Variants in ADGRL2 observed in about 807,000 individuals in gnomAD.
ADGRL2 encodes adhesion G protein-coupled receptor L2, also known as calcium-independent alpha-latrotoxin receptor 2.
A neutral mutation model predicts 157.4 loss-of-function variants in ADGRL2; 44 were observed. The observed-to-expected ratio is 0.28, with a 90% CI of 0.22 to 0.36. The LOEUF (loss-of-function observed/expected upper bound fraction) is 0.36, where lower values mean the gene tolerates loss of function less well. Ranked by LOEUF, ADGRL2 falls within the 10% of genes least tolerant of loss-of-function variation. The probability of loss-of-function intolerance (pLI) is 1.00; values close to 1 mark genes in which losing one functional copy is unlikely to be tolerated. For missense variants in ADGRL2, 1,510 were observed against 1,768.9 expected (o/e 0.85, Z 2.63); for synonymous variants, 585 against 624.7 (o/e 0.94, Z 0.95).
intron 2 of ADGRL2, among the ~76,000 whole-genome samples, chr1:81,885,462 G>T (rs1010033538): frequency 6.6e-6 from 1 of 152,138 alleles, no homozygotes; most frequent in African/African-American, 2.4e-5. Context: ...TTGGTTCCAC[G>T]TCTTATCCAG....
chr1:81,609,259 C>G (rs2081494016), intron 3 of ADGRL2, among the ~76,000 whole-genome samples: 1 of 152,002 alleles, frequency 6.6e-6, no homozygotes, highest in Non-Finnish European at 1.5e-5. Flanking sequence ...AGGCTGGTCT[C>G]GAACTCCTGG....
At chr1:81,318,438 T>A (rs1398937413) in intron 1 of ADGRL2, among the ~76,000 whole-genome samples, 1 of 152,200 alleles carries the variant, frequency 6.6e-6, no homozygotes, top group East Asian at 1.9e-4. Flanking sequence ...TTTAATTCCC[T>A]AAGCCTCATG....
At position 81,715,349 on chromosome 1, in the gene ADGRL2, G is replaced by A. The variant is rs146665735; in HGVS notation, c.-143+15541G>A. On this transcript the variant is annotated intron_variant, in intron 1 of 20. Coordinates refer to the ADGRL2 transcript ENST00000359929. ...TATATATTCTTGAGTAAAACAATAT[G>A]TACTAGCTTTGAACAAACATTTTAT... 2.9e-3 allele frequency among the ~76,000 whole-genome samples: 446 copies of A among 151,826 alleles called. 1 individual carries two copies. Among genetic ancestry groups the A allele is most frequent in the African/African-American group, 0.01 (425 of 41,384 alleles).
intron 1 of ADGRL2, among the ~76,000 whole-genome samples, chr1:81,325,017 G>A (rs931003084): frequency 2.1e-4 from 32 of 151,998 alleles, no homozygotes; most frequent in Admixed American, 3.9e-4. Flanking sequence ...AGGCCCAGCC[G>A]GAAACTTTAA....
chr1:81,931,466 A>G (rs2095229322), intron 3 of ADGRL2, among the ~76,000 whole-genome samples: 1 of 152,106 alleles, frequency 6.6e-6, no homozygotes, highest in Non-Finnish European at 1.5e-5. Flanking sequence ...TATAGGTGAT[A>G]CTTCGTGCGT....
intron 1 of ADGRL2, among the ~76,000 whole-genome samples, chr1:81,434,353 T>C (rs546682593): frequency 6.6e-6 from 1 of 152,346 alleles, no homozygotes; most frequent in Non-Finnish European, 1.5e-5. Context: ...TTCTATTTTA[T>C]GTTTCTTCAC....
At chr1:81,496,840 A>G (rs1326080903) in intron 2 of ADGRL2, among the ~76,000 whole-genome samples, 1 of 152,166 alleles carries the variant, frequency 6.6e-6, no homozygotes, top group Non-Finnish European at 1.5e-5. Context: ...AATAAATATA[A>G]TGAACTTTCA....
upstream of ADGRL2, among the ~76,000 whole-genome samples, chr1:81,694,884 TTAAA>T (rs1480990643): frequency 5.9e-5 from 9 of 152,324 alleles, 1 homozygote; most frequent in South Asian, 6.2e-4. Flanking sequence ...ATTGTGAATC[TTAAA>T]TAAGCACACA....
chr1:81,815,039 T>C (rs1487619463), intron 1 of ADGRL2, among the ~76,000 whole-genome samples: 3 of 151,748 alleles, frequency 2.0e-5, no homozygotes, highest in African/African-American at 7.2e-5. Flanking sequence ...TCTCTAATAT[T>C]TGTGTGTTAT....
intron 1 of ADGRL2, among the ~76,000 whole-genome samples, chr1:81,378,428 TTG>T (rs2076288322): frequency 1.3e-5 from 2 of 151,750 alleles, no homozygotes; most frequent in Admixed American, 6.6e-5. Flanking sequence ...GGGCGTGGCT[TTG>T]TGTGCCTGTA....
intron 2 of ADGRL2, among the ~76,000 whole-genome samples, chr1:81,879,080 C>T (rs910848635): frequency 6.6e-6 from 1 of 152,140 alleles, no homozygotes; most frequent in African/African-American, 2.4e-5. Context: ...TTTACCCCTT[C>T]AATGAATGAT....
intron 2 of ADGRL2, among the ~76,000 whole-genome samples, chr1:81,453,939 A>G (rs1553166285): frequency 6.6e-6 from 1 of 152,240 alleles, no homozygotes; most frequent in Non-Finnish European, 1.5e-5. Context: ...TTTGAAGGAA[A>G]CGAAATCAAT....
intron 1 of ADGRL2, among the ~76,000 whole-genome samples, chr1:81,336,100 T>C (rs1013469374): frequency 6.6e-6 from 1 of 152,194 alleles, no homozygotes; most frequent in Non-Finnish European, 1.5e-5. Flanking sequence ...TCACTTACCA[T>C]TCTTCTCATT....
chr1:81,427,551 C>T (rs2077241273), intron 1 of ADGRL2: 2 of 745,132 alleles, frequency 2.7e-6, no homozygotes, highest in East Asian at 4.9e-5. Context: ...GAAGCTCATC[C>T]CTATGATGGT....
chr1:81,898,323 T>C (rs1220300859), intron 2 of ADGRL2, among the ~76,000 whole-genome samples: 1 of 152,216 alleles, frequency 6.6e-6, no homozygotes, highest in Non-Finnish European at 1.5e-5. Flanking sequence ...TCTAGGCCAG[T>C]GTGCTTATTC....
intron 3 of ADGRL2, among the ~76,000 whole-genome samples, chr1:81,668,756 G>A (rs2082806683): frequency 6.6e-6 from 1 of 151,182 alleles, no homozygotes. Context: ...TTTTGGTAGA[G>A]ACTGGGTTTC....
intron 3 of ADGRL2, among the ~76,000 whole-genome samples, chr1:81,672,425 A>G (rs1204670492): frequency 1.3e-5 from 2 of 152,334 alleles, no homozygotes; most frequent in Non-Finnish European, 1.5e-5. Flanking sequence ...ATATTTAGGA[A>G]CATCTTTACA....
At chr1:81,819,031 C>G (rs1353687917) in intron 1 of ADGRL2, among the ~76,000 whole-genome samples, 2 of 152,092 alleles carry the variant, frequency 1.3e-5, no homozygotes, top group Non-Finnish European at 2.9e-5. Context: ...GAACAGCCTG[C>G]TCTTTTAAGA....
intron 1 of ADGRL2, among the ~76,000 whole-genome samples, chr1:81,426,216 G>A (rs1442944148): frequency 2.0e-5 from 3 of 152,108 alleles, no homozygotes; most frequent in Admixed American, 1.3e-4. Context: ...TAGCAAAGGG[G>A]GTTTGCTTAG....
Sources: gnomAD v4.1 joint callset for allele counts (sites outside exome capture counted in the v4.1 genomes callset) on GRCh38, gnomAD v4.1.1 for gene constraint, MANE v1.5 for transcripts, NCBI Gene and HGNC (gene_info 2026-07-23, HGNC 2026-07-21) for gene names.